BUD31: variants seen among roughly 807,000 people sequenced by gnomAD.
BUD31 encodes the protein BUD31 spliceosome associated protein, also known as protein BUD31 homolog.
In BUD31, 9 loss-of-function variants were observed where a neutral mutation model predicts 17.9. The ratio of observed to expected loss-of-function variants is 0.50; its 90% CI spans 0.30 to 0.88. The LOEUF (loss-of-function observed/expected upper bound fraction) is 0.88, where lower values mean the gene tolerates loss of function less well. Among genes scored for constraint, BUD31 ranks in the 40% least tolerant of loss-of-function variants. The probability of loss-of-function intolerance (pLI) is 0.06; values close to 1 mark genes in which losing one functional copy is unlikely to be tolerated. For synonymous variants in BUD31, 70 were observed against 64.7 expected, an observed-to-expected ratio of 1.08 and a Z score of -0.39; for missense variants, 148 against 184.5, an observed-to-expected ratio of 0.80 and a Z score of 1.15.
intron 3 of BUD31, among the ~76,000 whole-genome samples, chr7:99,412,254 A>G (rs186351479): frequency 6.6e-6 from 1 of 152,212 alleles, no homozygotes; most frequent in Admixed American, 6.5e-5. Context: ...TCTTCCCGAA[A>G]CAGCTCTTTA....
chr7:99,410,578 C>T (rs550696411), intron 2 of BUD31, among the ~76,000 whole-genome samples: 9 of 152,054 alleles, frequency 5.9e-5, no homozygotes, highest in African/African-American at 1.9e-4. Flanking sequence ...CCCCATGGCT[C>T]CCCGAGTCAC....
chr7:99,417,902 G>C, intron 5 of BUD31: 4 of 1,324,206 alleles, frequency 3.0e-6, no homozygotes, highest in Non-Finnish European at 3.9e-6. Flanking sequence ...GTGACATCAG[G>C]GAAGGACAAC....
intron 3 of BUD31, chr7:99,412,085 G>C (rs986475982): frequency 6.1e-6 from 1 of 163,870 alleles, no homozygotes; most frequent in Admixed American, 6.0e-5. Flanking sequence ...CGTACCTCCA[G>C]CAGTAATTAC....
intron 5 of BUD31, chr7:99,418,650 G>C (rs1320347001): frequency 3.3e-5 from 5 of 152,822 alleles, no homozygotes; most frequent in Admixed American, 2.0e-4. Flanking sequence ...TTCTGATGGA[G>C]GCAGGGACAG....
intron 2 of BUD31, 124 bp downstream of exon 2, chr7:99,410,293 T>G (rs1385178732): frequency 6.6e-6 from 1 of 152,154 alleles, no homozygotes; most frequent in Non-Finnish European, 1.5e-5. Context: ...CATGGCTAAC[T>G]GAAGACTTTC....
chr7:99,415,268 T>G, intron 3 of BUD31: 1 of 455,996 alleles, frequency 2.2e-6, no homozygotes, highest in Non-Finnish European at 4.4e-6. Context: ...CAATGATAGG[T>G]AAGGCCACAT....
In BUD31 at chr7:99,419,493, C is replaced by T. The variant is rs374783591; in HGVS notation, c.*52C>T. On this transcript the variant is annotated 3_prime_UTR_variant, in exon 6 of 6. Coordinates refer to ENST00000222969, the MANE Select transcript of BUD31 (RefSeq NM_003910.4). ...GGACTTCGCAGGTTCCTGCCTGTCA[C>T]GCCACCCCCTTCCTGGGAGCAGCGA... 3.6e-5 allele frequency: 58 copies of T among 1,598,786 alleles called. No individual in the cohort carries two copies. The highest frequency in any genetic ancestry group is 8.0e-5 in the African/African-American group (6 of 74,712).
intron 3 of BUD31, among the ~76,000 whole-genome samples, chr7:99,414,285 G>A (rs902369863): frequency 2.0e-5 from 3 of 151,944 alleles, no homozygotes; most frequent in African/African-American, 2.4e-5. Context: ...GATTACAAGC[G>A]TGCACTACCA....
Position 99,419,594 on chromosome 7 carries a change from A to C in BUD31, c.*153A>C. The C allele has an allele frequency of 1.1e-6, 1 of 920,728 alleles. No homozygotes were observed. The highest frequency in any genetic ancestry group is 1.6e-5 in the South Asian group (1 of 63,038). The allele number at this position is 920,728 out of a possible 1,614,324, so 57.0% of individuals were successfully genotyped here. A position where few individuals can be genotyped will look rare whatever the true frequency, so the allele number is the denominator to read the frequency against. Reference sequence around the variant, plus strand: ...CTGTCTATCAGCTGTGATTTGTAAAAATAAAATCTTTAAATCTCTCGAGCC... The same window carrying C: ...CTGTCTATCAGCTGTGATTTGTAAACATAAAATCTTTAAATCTCTCGAGCC... On this transcript the variant is annotated 3_prime_UTR_variant, in exon 6 of 6. Transcript: ENST00000222969.
At position 99,416,717 on chromosome 7, in the gene BUD31, CTTTTTTTTTT is replaced by C. The variant is rs59301509; in HGVS notation, c.217+469_217+478del. 3 of 98,938 alleles carry C rather than the reference CTTTTTTTTTT, an allele frequency of 3.0e-5. No individual in the cohort carries two copies. The South Asian group carries it at 9.6e-4, about 32-fold the overall frequency. 6.1% of individuals were successfully genotyped at this position (98,938 alleles called of 1,614,324 possible). A position where few individuals can be genotyped will look rare whatever the true frequency, so the allele number is the denominator to read the frequency against. The stretch of plus-strand genomic sequence containing the variant: ...TATAGGCGTGGTCCACCGCTCTTGG[CTTTTTTTTTT>C]TTTTTTTTTTTGAAACAGGGTCTTG... On this transcript the variant is annotated intron_variant, in intron 4 of 5. Coordinates refer to ENST00000222969, the MANE Select transcript of BUD31 (RefSeq NM_003910.4).
chr7:99,411,760 A>C (rs762944087), intron 3 of BUD31: 1 of 453,868 alleles, frequency 2.2e-6, no homozygotes, highest in African/African-American at 2.0e-5. Flanking sequence ...GCTGCAGTGC[A>C]GTGGCGTGAT....
intron 4 of BUD31, chr7:99,416,829 T>C: frequency 6.4e-6 from 1 of 156,362 alleles, no homozygotes; most frequent in Admixed American, 6.1e-5. Context: ...CAAGGGATCC[T>C]CTCACCTCAA....
chr7:99,418,020 T>G, intron 5 of BUD31: 1 of 1,144,160 alleles, frequency 8.7e-7, no homozygotes, highest in Middle Eastern at 4.0e-4. Flanking sequence ...CAGGCTGGAG[T>G]GCAGTGATGC....
intron 3 of BUD31, among the ~76,000 whole-genome samples, chr7:99,414,543 T>G (rs1795312786): frequency 6.6e-6 from 1 of 152,192 alleles, no homozygotes; most frequent in Non-Finnish European, 1.5e-5. Context: ...ACAGTTAGTT[T>G]GATGTTTCAA....
At chr7:99,415,459 G>T (rs532481207) in intron 3 of BUD31, among the ~76,000 whole-genome samples, 1 of 152,270 alleles carries the variant, frequency 6.6e-6, no homozygotes, top group East Asian at 1.9e-4. Flanking sequence ...GACTAGGAGC[G>T]TGACCACCAA....
At chr7:99,417,857 G>A in intron 5 of BUD31, 1 of 1,411,760 alleles carries the variant, frequency 7.1e-7, no homozygotes. Context: ...TTAGGAAATG[G>A]TGGTGGGGAG....
Position 99,417,428 on chromosome 7 carries a change from G to C in BUD31, c.218-1G>C. On this transcript the variant is annotated splice_acceptor_variant, in intron 4 of 5. Transcript: ENST00000222969. LOFTEE classifies it high-confidence loss of function. The stretch of plus-strand genomic sequence containing the variant: ...ATGCTCTTTCCCCATCTTTTTGACA[G>C]AACTCTATGAATATTGTATTAAAGA... 1 of 1,613,756 alleles carries C rather than the reference G, an allele frequency of 6.2e-7. No individual in the cohort carries two copies. Among genetic ancestry groups the C allele is most frequent in the Non-Finnish European group, 8.5e-7 (1 of 1,179,802 alleles).
chr7:99,415,521 C>T (rs1351910234), intron 3 of BUD31, among the ~76,000 whole-genome samples: 1 of 152,132 alleles, frequency 6.6e-6, no homozygotes, highest in African/African-American at 2.4e-5. Flanking sequence ...GCGGGCGGGC[C>T]TGACTGATGT....
At chr7:99,419,307 T>C (rs1380369536) in intron 5 of BUD31, 84 bp from the exon 6 acceptor site, 1 of 1,527,958 alleles carries the variant, frequency 6.5e-7, no homozygotes, top group Non-Finnish European at 9.0e-7. Flanking sequence ...TGGCAGGTCC[T>C]TCGTGGGAGG....
Sources: allele counts gnomAD v4.1 joint callset (sites outside exome capture counted in the v4.1 genomes callset), GRCh38; gene constraint gnomAD v4.1.1; transcripts MANE v1.5; gene names NCBI Gene and HGNC (gene_info 2026-07-23, HGNC 2026-07-21).